TMC1: variants seen among roughly 807,000 people sequenced by gnomAD.
The protein encoded by TMC1 is transmembrane channel-like protein 1.
TMC1 carries 84 observed loss-of-function variants against 105.8 expected under a neutral mutation model. That is an observed-to-expected ratio of 0.79 (90% CI 0.67 to 0.95). TMC1 has a LOEUF of 0.95. Ranked by LOEUF, TMC1 falls within the 40% of genes least tolerant of loss-of-function variation. The pLI, the probability that TMC1 is intolerant of heterozygous loss-of-function variation, is 0.00. For missense variants in TMC1, 817 were observed against 914.1 expected, an observed-to-expected ratio of 0.89 and a Z score of 1.37; for synonymous variants, 315 against 311.5, an observed-to-expected ratio of 1.01 and a Z score of -0.12.
chr9:72,682,632 A>C (rs1826306342), intron 5 of TMC1, among the ~76,000 whole-genome samples: 1 of 152,218 alleles, frequency 6.6e-6, no homozygotes, highest in African/African-American at 2.4e-5. Context: ...TTCTAGAGTA[A>C]GAAGAATTGC....
chr9:72,599,041 C>CT (rs1456640280), intron 2 of TMC1, among the ~76,000 whole-genome samples: 2 of 150,922 alleles, frequency 1.3e-5, no homozygotes, highest in Non-Finnish European at 3.0e-5. Context: ...ATTTTTTTTT[C>CT]TTTTTTTGAG....
chr9:72,822,933 C>T (rs1828898966), intron 20 of TMC1, among the ~76,000 whole-genome samples: 1 of 152,212 alleles, frequency 6.6e-6, no homozygotes, highest in Non-Finnish European at 1.5e-5. Context: ...TAAGCCCTAA[C>T]TCTTCTGGCT....
At chr9:72,658,492 T>C (rs1825918548) in intron 5 of TMC1, among the ~76,000 whole-genome samples, 1 of 152,200 alleles carries the variant, frequency 6.6e-6, no homozygotes, top group African/African-American at 2.4e-5. Context: ...TCCTTAACTC[T>C]TTTAACTCTT....
intron 1 of TMC1, among the ~76,000 whole-genome samples, chr9:72,545,639 C>CA (rs1823753992): frequency 6.6e-6 from 1 of 152,022 alleles, no homozygotes; most frequent in Non-Finnish European, 1.5e-5. Flanking sequence ...AGGCACCTGC[C>CA]ACCATGCCCA....
intron 17 of TMC1, among the ~76,000 whole-genome samples, chr9:72,799,569 C>T (rs1828434777): frequency 6.6e-6 from 1 of 151,974 alleles, no homozygotes; most frequent in Non-Finnish European, 1.5e-5. Flanking sequence ...ATTTGTTAAG[C>T]TTTCGGGAAC....
chr9:72,563,755 C>G (rs1824097594), intron 1 of TMC1, among the ~76,000 whole-genome samples: 1 of 151,872 alleles, frequency 6.6e-6, no homozygotes, highest in Admixed American at 6.6e-5. Flanking sequence ...AAAAAATTAG[C>G]TGGGCATGGT....
At chr9:72,545,199 CATAT>C (rs138344531) in intron 1 of TMC1, among the ~76,000 whole-genome samples, 1 of 150,440 alleles carries the variant, frequency 6.6e-6, no homozygotes, top group Non-Finnish European at 1.5e-5. Flanking sequence ...TATATATACA[CATAT>C]ATATATATGT....
intron 18 of TMC1, among the ~76,000 whole-genome samples, chr9:72,810,512 G>A (rs1168391996): frequency 6.6e-6 from 1 of 152,082 alleles, no homozygotes; most frequent in Non-Finnish European, 1.5e-5. Flanking sequence ...TAATTATTTG[G>A]ATTGTTGAAT....
chr9:72,600,774 T>A (rs573523375), intron 2 of TMC1, among the ~76,000 whole-genome samples: 118 of 152,284 alleles, frequency 7.7e-4, no homozygotes, highest in Non-Finnish European at 1.5e-3. Context: ...TTACCCTATA[T>A]CCTATGAGCG....
Position 72,816,143 on chromosome 9 carries a change from C to G in TMC1, c.1696C>G (p.Pro566Ala), listed in dbSNP as rs2118284014. The change falls in exon 19 of 24, where the codon CCT (proline) becomes GCT (alanine). Residue 566 changes from proline to alanine, a missense_variant and splice_region_variant. Coordinates refer to ENST00000297784, the MANE Select transcript of TMC1 (RefSeq NM_138691.3). ...CCAATGAACATTGTGTCTCCTCTAG[C>G]CTTCATACACCGAATTCGACATCAG... Reference protein sequence around the residue: ...CWCWDLEYGYPSYTEFDISGN... With the variant: ...CWCWDLEYGYASYTEFDISGN... 17 of 1,613,276 alleles carry G rather than the reference C, an allele frequency of 1.1e-5. No homozygotes were observed. Among genetic ancestry groups the G allele is most frequent in the Non-Finnish European group, 1.4e-5 (17 of 1,179,324 alleles).
chr9:72,617,352 C>T (rs552916305), intron 3 of TMC1, among the ~76,000 whole-genome samples: 39 of 151,940 alleles, frequency 2.6e-4, no homozygotes, highest in African/African-American at 8.9e-4. Context: ...TTAGTAGAGA[C>T]GGGGTTTCAC....
chr9:72,710,411 C>T (rs1172929655), intron 8 of TMC1, among the ~76,000 whole-genome samples: 4 of 152,154 alleles, frequency 2.6e-5, no homozygotes, highest in Non-Finnish European at 5.9e-5. Flanking sequence ...GACTTTCTGT[C>T]TTGATGACCT....
intron 12 of TMC1, among the ~76,000 whole-genome samples, chr9:72,756,840 T>C (rs1827683179): frequency 6.6e-6 from 1 of 152,114 alleles, no homozygotes; most frequent in Non-Finnish European, 1.5e-5. Context: ...GTGACTCAGT[T>C]GAGGAAGACA....
At chr9:72,775,120 C>T (rs1827986661) in intron 13 of TMC1, among the ~76,000 whole-genome samples, 1 of 152,202 alleles carries the variant, frequency 6.6e-6, no homozygotes, top group East Asian at 1.9e-4. Flanking sequence ...TTTGTTGGCC[C>T]AGGATTCTCC....
At chr9:72,553,864 T>A (rs969085328) in intron 1 of TMC1, among the ~76,000 whole-genome samples, 1 of 152,218 alleles carries the variant, frequency 6.6e-6, no homozygotes, top group African/African-American at 2.4e-5. Context: ...GCATTTTTCT[T>A]GAAACTGCCT....
chr9:72,816,370 A>G (rs1828788483), intron 19 of TMC1, among the ~76,000 whole-genome samples, 160 bp downstream of exon 19: 1 of 152,174 alleles, frequency 6.6e-6, no homozygotes, highest in Non-Finnish European at 1.5e-5. Flanking sequence ...CTTTTCTTTC[A>G]TATCTTAAAT....
chr9:72,662,441 C>CCAT, intron 5 of TMC1, among the ~76,000 whole-genome samples: 2 of 151,524 alleles, frequency 1.3e-5, no homozygotes, highest in East Asian at 3.9e-4. Context: ...AGGTAATCCA[C>CCAT]TGGCCTCGGC....
intron 20 of TMC1, 42 bp from the exon 21 acceptor site, chr9:72,826,827 A>C (rs1290804561): frequency 6.2e-7 from 1 of 1,608,898 alleles, no homozygotes; most frequent in Non-Finnish European, 8.5e-7. Flanking sequence ...GTTTTTCCAT[A>C]TGTTCTTAAT....
chr9:72,569,854 C>T (rs950486336), intron 1 of TMC1, among the ~76,000 whole-genome samples: 1 of 152,108 alleles, frequency 6.6e-6, no homozygotes, highest in Non-Finnish European at 1.5e-5. Context: ...GGCTGATCCC[C>T]CTGAGTGCTG....
Sources: allele counts gnomAD v4.1 joint callset (sites outside exome capture counted in the v4.1 genomes callset), GRCh38; gene constraint gnomAD v4.1.1; transcripts MANE v1.5; gene names NCBI Gene and HGNC (gene_info 2026-07-23, HGNC 2026-07-21).